The following NCOR2 variants were observed in gnomAD, a reference collection of about 807,000 sequenced individuals.
NCOR2 encodes the protein CTG repeat protein 26.
Under a neutral mutation model 262.9 loss-of-function variants are expected in NCOR2, and 81 were observed. That is an observed-to-expected ratio of 0.31 (90% CI 0.26 to 0.37). The LOEUF is 0.37. Ranked by LOEUF, NCOR2 falls within the 10% of genes least tolerant of loss-of-function variation. The pLI is 1.00. For synonymous variants in NCOR2, 1,659 were observed against 1,559.3 expected (o/e 1.06, Z -1.51); for missense variants, 3,385 against 3,621.4 (o/e 0.93, Z 1.68).
rs562297852 is a variant in NCOR2, at chr12:124,503,638, G to T, written c.-117-8270C>A. Among the ~76,000 whole-genome samples the T allele has an allele frequency of 1.4e-5, 2 of 146,714 alleles. No individual in the cohort carries two copies. The highest frequency in any genetic ancestry group is 3.0e-5 in the Non-Finnish European group (2 of 66,658). On this transcript the variant is annotated intron_variant, in intron 1 of 46. Transcript: ENST00000404621. The surrounding 1 kb of genome is among the most constrained non-coding windows in gnomAD (Gnocchi z 4.3). Reference sequence around the variant, plus strand: ...CGGATGGATGGATGGATGGATGGGCGAATGGATGGATGGATGGATGGATGG... The same window carrying T: ...CGGATGGATGGATGGATGGATGGGCTAATGGATGGATGGATGGATGGATGG...
chr12:124,437,095 T>TAATAAATAAATAAATA (rs142026848), intron 8 of NCOR2, among the ~76,000 whole-genome samples: 1 of 151,514 alleles, frequency 6.6e-6, no homozygotes, highest in Middle Eastern at 3.4e-3. Context: ...CAAAAATAAA[T>TAATAAATAAATAAATA]AATAAATAAA....
chr12:124,448,562 T>C (rs56231793), intron 7 of NCOR2, among the ~76,000 whole-genome samples: 3,367 of 152,246 alleles, frequency 0.022, 120 homozygotes, highest in African/African-American at 0.077. Context: ...GCTGGTGAAG[T>C]ATCTTTGTCA....
At position 124,552,471 on chromosome 12, in the gene NCOR2, C is replaced by T. The variant is rs149640794; in HGVS notation, c.-165+14837G>A. On this transcript the variant is annotated intron_variant, in intron 1 of 32. Coordinates refer to the NCOR2 transcript ENST00000458234. Reference sequence around the variant, plus strand: ...CACTCTGTGCTCTTCAGCCACAGCCCCCAGGTCAAGGTCAAGAAACTGAGG... The same window carrying T: ...CACTCTGTGCTCTTCAGCCACAGCCTCCAGGTCAAGGTCAAGAAACTGAGG... Among the ~76,000 whole-genome samples the T allele has an allele frequency of 2.7e-3, 412 of 152,324 alleles. 2 individuals carry two copies. The highest frequency in any genetic ancestry group is 9.2e-3 in the African/African-American group (384 of 41,566).
intron 19 of NCOR2, among the ~76,000 whole-genome samples, chr12:124,373,126 T>C (rs1198100861): frequency 2.0e-5 from 3 of 152,254 alleles, no homozygotes; most frequent in Non-Finnish European, 4.4e-5. Context: ...CAAGGGCAAC[T>C]GCCTGGTGAC....
Position 124,354,919 on chromosome 12 carries a change from G to A in NCOR2, c.3402C>T (p.His1134=), listed in dbSNP as rs756807878. The stretch of plus-strand genomic sequence containing the variant: ...CCTTGGCATGCTCTGAGTACGGGAC[G>A]TGGAGCTGGACCGACATTCCCTGTA... Residue 1134 remains histidine (H), a synonymous_variant, in exon 25 of 47, where the codon CAC becomes CAT. Coordinates refer to ENST00000405201, the Ensembl canonical transcript of NCOR2. 24 of 1,612,806 alleles carry A rather than the reference G, an allele frequency of 1.5e-5. No individual in the cohort carries two copies. In the South Asian group the frequency reaches 1.5e-4, roughly 10 times the overall value.
chr12:124,460,072 G>A (rs966408000), intron 5 of NCOR2, among the ~76,000 whole-genome samples: 4 of 152,090 alleles, frequency 2.6e-5, no homozygotes, highest in South Asian at 2.1e-4. Flanking sequence ...CACCTCCCTC[G>A]ACCACTCGTT....
intron 22 of NCOR2, 45 bp downstream of exon 24, chr12:124,362,081 G>C: frequency 7.9e-7 from 1 of 1,258,952 alleles, no homozygotes; most frequent in Non-Finnish European, 1.0e-6. Context: ...TTGCCCGTCA[G>C]TCCCCTGCTG....
chr12:124,357,944 T>C (rs1042985221), intron 22 of NCOR2, among the ~76,000 whole-genome samples: 1 of 145,770 alleles, frequency 6.9e-6, no homozygotes, highest in Non-Finnish European at 1.5e-5. Flanking sequence ...TGTGTGTGAG[T>C]GCATGGATGT....
In NCOR2 at chr12:124,333,139, G is replaced by A. The variant is rs376860961; in HGVS notation, c.6746C>T (p.Thr2249Met). 79 of 1,606,868 alleles carry A rather than the reference G, an allele frequency of 4.9e-5. No individual in the cohort carries two copies. The highest frequency in any genetic ancestry group is 8.9e-5 in the East Asian group (4 of 44,748). ...GTGCCCACAGAAGTACCTGGGCTCC[G>A]TCTGTTCCCCATCCCGGTACAGCAG... The change falls in exon 42 of 47, where the codon ACG becomes ATG. Residue 2249 changes from threonine (T) to methionine (M), a missense_variant. Thr to Met is a moderately conservative substitution (Grantham distance 81, BLOSUM62 -1). Around this residue, in one of 5 missense-constraint regions of NCOR2, gnomAD observed 1,017 missense variants for 967.2 expected, o/e 1.05. Coordinates refer to ENST00000405201, the Ensembl canonical transcript of NCOR2.
intron 6 of NCOR2, among the ~76,000 whole-genome samples, 166 bp downstream of exon 8, chr12:124,456,940 C>T (rs554584628): frequency 2.0e-5 from 3 of 151,260 alleles, no homozygotes; most frequent in African/African-American, 4.9e-5. Flanking sequence ...CGCTATCTGC[C>T]GTCCTCTCAT....
chr12:124,564,550 G>A (rs1316833445), intron 1 of NCOR2, among the ~76,000 whole-genome samples: 1 of 51,714 alleles, frequency 1.9e-5, no homozygotes, highest in Non-Finnish European at 3.6e-5. Context: ...CCCGGCCCAC[G>A]GTCAGAGGCA....
At chr12:124,334,363 G>T in intron 41 of NCOR2, 61 bp downstream of exon 43, 4 of 1,263,328 alleles carry the variant, frequency 3.2e-6, no homozygotes, top group Non-Finnish European at 4.4e-6. Flanking sequence ...CTCTGAGGCA[G>T]GCAGCTGACG....
rs2052249800 is a variant in NCOR2, at chr12:124,566,649, AG to A, written c.-165+658del. Among the ~76,000 whole-genome samples the A allele has an allele frequency of 6.6e-6, 1 of 152,106 alleles. No individual in the cohort carries two copies. Among genetic ancestry groups the A allele is most frequent in the Non-Finnish European group, 1.5e-5 (1 of 67,998 alleles). On this transcript the variant is annotated intron_variant, in intron 1 of 32. Transcript: ENST00000458234. The surrounding 1 kb of genome is among the most constrained non-coding windows in gnomAD (Gnocchi z 4.3). The stretch of plus-strand genomic sequence containing the variant: ...CCCAAGTATCCGCACAGCCCGGGGG[AG>A]GGACTAGGAGGCGGCCCAATGAGGC...
exon 34 of NCOR2, chr12:124,341,929 C>T (rs2036492946): frequency 6.2e-7 from 1 of 1,613,110 alleles, no homozygotes; most frequent in South Asian, 1.1e-5. Context: ...TGTGGTGCAT[C>T]TGCTGCGAGG....
At chr12:124,496,767 C>T (rs543634744), upstream of NCOR2, among the ~76,000 whole-genome samples, 1 of 152,164 alleles carries the variant, frequency 6.6e-6, no homozygotes, top group Non-Finnish European at 1.5e-5. The surrounding 1 kb of genome is among the most constrained non-coding windows in gnomAD (Gnocchi z 4.4). Flanking sequence ...TCATGTGACC[C>T]GGTCCTGGCC....
chr12:124,372,310 C>T (rs1566409986), exon 20 of NCOR2: 2 of 1,529,578 alleles, frequency 1.3e-6, no homozygotes, highest in South Asian at 1.3e-5. Context: ...CTGCTCCTCC[C>T]CCTCCTCCAC....
chr12:124,526,782 G>A (rs1398114891), intron 1 of NCOR2, among the ~76,000 whole-genome samples: 2 of 152,136 alleles, frequency 1.3e-5, no homozygotes, highest in African/African-American at 4.8e-5. Flanking sequence ...CACATGAGGT[G>A]GCCCCCGCTC....
intron 17 of NCOR2, chr12:124,383,483 C>G: frequency 1.1e-6 from 1 of 928,088 alleles, no homozygotes. Context: ...CACCTTGGCC[C>G]AGTGCTCATA....
At chr12:124,381,210 T>C (rs2040384933) in intron 17 of NCOR2, among the ~76,000 whole-genome samples, 1 of 152,066 alleles carries the variant, frequency 6.6e-6, no homozygotes, top group African/African-American at 2.4e-5. Context: ...ACAAACACAC[T>C]GCCCTCCCTG....
Sources: gnomAD v4.1 joint callset for allele counts (sites outside exome capture counted in the v4.1 genomes callset) on GRCh38, gnomAD v4.1.1 for gene constraint, gnomAD v4.1.1 regional missense constraint, Gnocchi (gnomAD v3.1) non-coding constraint, MANE v1.5 for transcripts, NCBI Gene and HGNC (gene_info 2026-07-23, HGNC 2026-07-21) for gene names.